GAB1: variants seen among roughly 807,000 people sequenced by gnomAD.
GAB1 encodes GRB2 associated binding protein 1.
Under a neutral mutation model 66.5 loss-of-function variants are expected in GAB1, and 19 were observed. The observed-to-expected ratio is 0.29, with a 90% CI of 0.20 to 0.42. The LOEUF (loss-of-function observed/expected upper bound fraction) is 0.42, where lower values mean the gene tolerates loss of function less well. Among genes scored for constraint, GAB1 ranks in the 10% least tolerant of loss-of-function variants. The probability of loss-of-function intolerance (pLI) is 1.00; values close to 1 mark genes in which losing one functional copy is unlikely to be tolerated. For missense variants in GAB1, 732 were observed against 858.5 expected (o/e 0.85, Z 1.84); for synonymous variants, 294 against 301.4 (o/e 0.98, Z 0.25).
chr4:143,440,432 C>A, intron 6 of GAB1, 50 bp downstream of exon 6: 2 of 1,463,174 alleles, frequency 1.4e-6, no homozygotes, highest in Non-Finnish European at 1.8e-6. Context: ...CAAGTTAGAT[C>A]TATCTTTAAC....
chr4:143,377,097 G>T (rs866510101), intron 1 of GAB1, among the ~76,000 whole-genome samples: 25 of 144,162 alleles, frequency 1.7e-4, no homozygotes, highest in African/African-American at 2.3e-4. Context: ...TAGTCTGGTG[G>T]TTTTTTTTTT....
chr4:143,433,233 C>G (rs1436836257), intron 2 of GAB1, among the ~76,000 whole-genome samples: 1 of 152,164 alleles, frequency 6.6e-6, no homozygotes, highest in African/African-American at 2.4e-5. Flanking sequence ...AAACTGAAGA[C>G]TGTTCAAGCA....
intron 3 of GAB1, among the ~76,000 whole-genome samples, chr4:143,437,022 T>A (rs1733973614): frequency 6.6e-6 from 1 of 152,122 alleles, no homozygotes; most frequent in Non-Finnish European, 1.5e-5. Flanking sequence ...GGTTTTAAGA[T>A]CTTTTTAAGA....
chr4:143,372,582 G>A (rs999978787), intron 1 of GAB1, among the ~76,000 whole-genome samples: 2 of 152,244 alleles, frequency 1.3e-5, no homozygotes, highest in African/African-American at 4.8e-5. Context: ...GTCATTCTGA[G>A]TCAACTGTGT....
intron 1 of GAB1, among the ~76,000 whole-genome samples, chr4:143,407,668 G>C (rs1732125072): frequency 6.6e-6 from 1 of 152,132 alleles, no homozygotes; most frequent in Admixed American, 6.6e-5. Flanking sequence ...AGGCTTCTGT[G>C]TGTTTGGAAC....
At chr4:143,440,039 A>G (rs370486761) in intron 5 of GAB1, 40 bp from the exon 6 acceptor site, 273 of 1,557,306 alleles carry the variant, frequency 1.8e-4, no homozygotes, top group Non-Finnish European at 2.2e-4. Flanking sequence ...ATGTGTGACA[A>G]GAGTTTTTGT....
intron 1 of GAB1, among the ~76,000 whole-genome samples, chr4:143,356,266 T>A (rs1729443218): frequency 6.6e-6 from 1 of 152,212 alleles, no homozygotes; most frequent in Admixed American, 6.5e-5. Flanking sequence ...GTATATTAAC[T>A]CAGATAAAAT....
intron 1 of GAB1, among the ~76,000 whole-genome samples, chr4:143,394,314 A>G (rs1731332877): frequency 6.6e-6 from 1 of 152,094 alleles, no homozygotes; most frequent in Admixed American, 6.6e-5. Flanking sequence ...GCAGAAGAGG[A>G]GAAAGATTCG....
intron 1 of GAB1, among the ~76,000 whole-genome samples, chr4:143,381,225 A>G (rs28478042): frequency 0.029 from 4,418 of 152,266 alleles, 181 homozygotes; most frequent in African/African-American, 0.089. Flanking sequence ...AGGAATAATG[A>G]TGATAATGCT....
intron 3 of GAB1, 148 bp downstream of exon 3, chr4:143,433,864 C>A: frequency 2.9e-6 from 2 of 684,920 alleles, no homozygotes; most frequent in South Asian, 1.9e-5. Context: ...CTTTATATTT[C>A]AGGTTTACAT....
chr4:143,372,049 G>A (rs555453715), intron 1 of GAB1, among the ~76,000 whole-genome samples: 1 of 152,204 alleles, frequency 6.6e-6, no homozygotes, highest in South Asian at 2.1e-4. Context: ...TCTTGGCTGG[G>A]CACGGTGGCT....
chr4:143,455,333 T>C (rs147224944), intron 6 of GAB1, among the ~76,000 whole-genome samples: 57 of 152,302 alleles, frequency 3.7e-4, no homozygotes, highest in Admixed American at 8.5e-4. Context: ...GGAGATAACC[T>C]GTCAGGCAGT....
At chr4:143,460,014 G>A (rs1311867022) in intron 7 of GAB1, among the ~76,000 whole-genome samples, 3 of 150,136 alleles carry the variant, frequency 2.0e-5, no homozygotes, top group Non-Finnish European at 4.5e-5. Context: ...TTGAACATAT[G>A]TTCATGTTTC....
chr4:143,360,336 T>C (rs754126709), intron 1 of GAB1, among the ~76,000 whole-genome samples: 1 of 152,236 alleles, frequency 6.6e-6, no homozygotes, highest in Non-Finnish European at 1.5e-5. Flanking sequence ...TTAAATTTGC[T>C]TTTATTATTT....
intron 1 of GAB1, among the ~76,000 whole-genome samples, chr4:143,344,218 C>T (rs558421766): frequency 5.9e-5 from 9 of 152,154 alleles, no homozygotes; most frequent in Non-Finnish European, 7.3e-5. Context: ...CGTCTTATTT[C>T]GGACTTTGGA....
At chr4:143,367,303 C>T (rs1729922970) in intron 1 of GAB1, among the ~76,000 whole-genome samples, 1 of 152,110 alleles carries the variant, frequency 6.6e-6, no homozygotes, top group Non-Finnish European at 1.5e-5. Context: ...TCAATAAATG[C>T]TTGTTGAAAT....
At chr4:143,411,843 A>G (rs1214458085) in intron 1 of GAB1, among the ~76,000 whole-genome samples, 1 of 152,312 alleles carries the variant, frequency 6.6e-6, no homozygotes, top group African/African-American at 2.4e-5. Context: ...TAGTTTATGT[A>G]ATTGCTTTTG....
chr4:143,385,938 A>C (rs1268157554), intron 1 of GAB1, among the ~76,000 whole-genome samples: 1 of 152,174 alleles, frequency 6.6e-6, no homozygotes, highest in Non-Finnish European at 1.5e-5. Flanking sequence ...CCAGGAGTTC[A>C]AGACAAGCCG....
intron 3 of GAB1, 38 bp downstream of exon 3, chr4:143,433,754 C>T (rs759970062): frequency 9.5e-6 from 14 of 1,479,496 alleles, no homozygotes; most frequent in East Asian, 2.3e-5. Context: ...GAGACAGAGG[C>T]GTGTGTATGT....
Sources: gnomAD v4.1 joint callset for allele counts (sites outside exome capture counted in the v4.1 genomes callset) on GRCh38, gnomAD v4.1.1 for gene constraint, MANE v1.5 for transcripts, NCBI Gene and HGNC (gene_info 2026-07-23, HGNC 2026-07-21) for gene names.